FOXP1: variants seen among roughly 807,000 people sequenced by gnomAD.
FOXP1 encodes forkhead box protein P1.
Under a neutral mutation model 98.2 loss-of-function variants are expected in FOXP1, and 15 were observed. That is an observed-to-expected ratio of 0.15 (90% CI 0.10 to 0.24). The LOEUF (loss-of-function observed/expected upper bound fraction) is 0.24. Ranked by LOEUF, FOXP1 falls within the 10% of genes least tolerant of loss-of-function variation. FOXP1 has a pLI of 1.00. For missense variants in FOXP1, 633 were observed against 848.5 expected, an observed-to-expected ratio of 0.75 and a Z score of 3.15; for synonymous variants, 371 against 314.5, an observed-to-expected ratio of 1.18 and a Z score of -1.90.
intron 4 of FOXP1, among the ~76,000 whole-genome samples, chr3:71,331,194 G>C (rs567882473): frequency 4.1e-4 from 63 of 152,340 alleles, no homozygotes; most frequent in African/African-American, 1.5e-3. Context: ...GCGAGTTCTG[G>C]GGTGAGTGGG....
chr3:71,512,008 T>A (rs1485934611), intron 2 of FOXP1, among the ~76,000 whole-genome samples: 1 of 152,210 alleles, frequency 6.6e-6, no homozygotes, highest in Non-Finnish European at 1.5e-5. Flanking sequence ...CAACATTTAC[T>A]TTGTGCCAAG....
intron 6 of FOXP1, among the ~76,000 whole-genome samples, chr3:71,185,691 G>A (rs1238439563): frequency 6.6e-6 from 1 of 152,164 alleles, no homozygotes; most frequent in Non-Finnish European, 1.5e-5. Context: ...CTTTCCAAGT[G>A]CAAATCCAAA....
chr3:71,365,336 C>G (rs933251641), intron 3 of FOXP1, among the ~76,000 whole-genome samples: 1 of 151,974 alleles, frequency 6.6e-6, no homozygotes, highest in Non-Finnish European at 1.5e-5. Context: ...TCACCCCATG[C>G]CTGGTTCTTT....
chr3:71,083,799 C>T (rs58329195), intron 7 of FOXP1, among the ~76,000 whole-genome samples: 5,212 of 152,212 alleles, frequency 0.034, 165 homozygotes, highest in Admixed American at 0.092. Flanking sequence ...AACTTTTAAG[C>T]TCTGTGAGCG....
At chr3:71,132,642 A>G (rs906213845) in intron 6 of FOXP1, among the ~76,000 whole-genome samples, 2 of 152,198 alleles carry the variant, frequency 1.3e-5, no homozygotes, top group Non-Finnish European at 2.9e-5. Flanking sequence ...GCAAAGCAAG[A>G]TCTTCTTTTG....
chr3:71,281,958 A>AT (rs2071618191), intron 5 of FOXP1, among the ~76,000 whole-genome samples: 1 of 151,502 alleles, frequency 6.6e-6, no homozygotes, highest in Non-Finnish European at 1.5e-5. Flanking sequence ...AAAAAAAAAA[A>AT]TTAACCAAGT....
intron 2 of FOXP1, among the ~76,000 whole-genome samples, chr3:71,500,973 T>C (rs544438673): frequency 8.3e-4 from 127 of 152,256 alleles, no homozygotes; most frequent in African/African-American, 2.9e-3. Flanking sequence ...GGGCAGATTA[T>C]CTGAGGTCAG....
intron 2 of FOXP1, among the ~76,000 whole-genome samples, chr3:71,578,589 A>T (rs969478216): frequency 5.9e-5 from 9 of 152,348 alleles, no homozygotes; most frequent in African/African-American, 1.4e-4. Context: ...AATATGCACA[A>T]TAAGATTGGC....
chr3:71,001,087 G>C, intron 12 of FOXP1, 28 bp from the exon 13 acceptor site: 1 of 1,541,140 alleles, frequency 6.5e-7, no homozygotes, highest in Non-Finnish European at 9.0e-7. Context: ...AAATCATTAA[G>C]TGAAATGGAG....
intron 5 of FOXP1, among the ~76,000 whole-genome samples, chr3:71,297,633 T>TTC (rs1178711589): frequency 9.3e-5 from 14 of 150,108 alleles, no homozygotes; most frequent in South Asian, 2.1e-4. Flanking sequence ...TTTTTTTTTT[T>TTC]CAGACAGAGT....
intron 7 of FOXP1, among the ~76,000 whole-genome samples, chr3:71,094,278 CTTT>C (rs1180804992): frequency 7.8e-6 from 1 of 127,810 alleles, no homozygotes; most frequent in Non-Finnish European, 1.7e-5. Flanking sequence ...TTTTTCTTTT[CTTT>C]TTTTTTTTTT....
At chr3:71,236,244 A>G (rs1194950939) in intron 5 of FOXP1, among the ~76,000 whole-genome samples, 1 of 152,192 alleles carries the variant, frequency 6.6e-6, no homozygotes, top group Admixed American at 6.5e-5. Flanking sequence ...TCTCAATTTG[A>G]TTAGGAAGGG....
At chr3:71,292,521 T>C (rs952686638) in intron 5 of FOXP1, 8 of 152,068 alleles carry the variant, frequency 5.3e-5, no homozygotes, top group Non-Finnish European at 7.4e-5. Context: ...TTTTAGCAGA[T>C]ACCAGGTTTC....
At chr3:71,280,894 A>G (rs2107405950) in intron 5 of FOXP1, among the ~76,000 whole-genome samples, 1 of 152,176 alleles carries the variant, frequency 6.6e-6, no homozygotes, top group East Asian at 1.9e-4. Flanking sequence ...GTAAAGAAAA[A>G]TTAAACTGCA....
At chr3:70,970,897 C>T in intron 18 of FOXP1, 92 bp from the exon 19 acceptor site, 1 of 957,340 alleles carries the variant, frequency 1.0e-6, no homozygotes, top group South Asian at 1.3e-5. Context: ...GGTGCCCTTC[C>T]AAATGAGCAA....
At chr3:71,109,255 T>C (rs2057710750) in intron 7 of FOXP1, among the ~76,000 whole-genome samples, 1 of 152,214 alleles carries the variant, frequency 6.6e-6, no homozygotes, top group Non-Finnish European at 1.5e-5. Context: ...TTGGTGATGT[T>C]TGACTATATT....
rs78497172 is a variant in FOXP1, at chr3:71,303,857, T to G, written c.-72-3977A>C. On this transcript the variant is annotated intron_variant, in intron 4 of 20. Transcript: ENST00000649528. ...AGAGGGGAAAAAGAAAGGAAAAGAATAAAGCAAGGAAACAAGAAAGAAAAG... is the reference window on the plus strand; with the variant it reads ...AGAGGGGAAAAAGAAAGGAAAAGAAGAAAGCAAGGAAACAAGAAAGAAAAG... Among the ~76,000 whole-genome samples, 1,114 of 151,564 alleles carry G rather than the reference T, an allele frequency of 7.4e-3. 30 individuals are homozygous for G. The highest frequency in any genetic ancestry group is 4.7e-3 in the Non-Finnish European group (321 of 67,816).
intron 13 of FOXP1, among the ~76,000 whole-genome samples, chr3:70,995,813 C>T (rs2041276036): frequency 6.6e-6 from 1 of 152,160 alleles, no homozygotes; most frequent in Non-Finnish European, 1.5e-5. Flanking sequence ...AATTAACCAA[C>T]CCTTCCCTGT....
At chr3:71,186,705 G>C (rs1285510132) in intron 6 of FOXP1, among the ~76,000 whole-genome samples, 1 of 152,142 alleles carries the variant, frequency 6.6e-6, no homozygotes, top group South Asian at 2.1e-4. Context: ...GCAAGACTCC[G>C]TCTCAAACGA....
Sources: gnomAD v4.1 joint callset for allele counts (sites outside exome capture counted in the v4.1 genomes callset) on GRCh38, gnomAD v4.1.1 for gene constraint, MANE v1.5 for transcripts, NCBI Gene and HGNC (gene_info 2026-07-23, HGNC 2026-07-21) for gene names.